GALNT1: variants seen among roughly 807,000 people sequenced by gnomAD.
GALNT1 encodes polypeptide N-acetylgalactosaminyltransferase 1.
GALNT1 carries 17 observed loss-of-function variants against 65.7 expected under a neutral mutation model. The ratio of observed to expected loss-of-function variants is 0.26; its 90% CI spans 0.18 to 0.39. The LOEUF (loss-of-function observed/expected upper bound fraction) is 0.39. Ranked by LOEUF, GALNT1 falls within the 10% of genes least tolerant of loss-of-function variation. GALNT1 has a pLI of 1.00. For synonymous variants in GALNT1, 210 were observed against 219.7 expected, an observed-to-expected ratio of 0.96 and a Z score of 0.39; for missense variants, 460 against 672.8, an observed-to-expected ratio of 0.68 and a Z score of 3.50.
chr18:35,592,285 G>C lies in GALNT1; in HGVS notation c.-104+10423G>C, dbSNP rs1176052334. Among the ~76,000 whole-genome samples, 3 of 152,106 alleles carry C rather than the reference G, an allele frequency of 2.0e-5. No homozygotes were observed. In the East Asian group the frequency reaches 5.8e-4, roughly 29 times the overall value. On this transcript the variant is annotated intron_variant, in intron 1 of 11. Coordinates refer to ENST00000269195, the MANE Select transcript of GALNT1 (RefSeq NM_020474.4). ...AACAGACATAGATCCTGTCTTTGTT[G>C]ATCATACAATTTAATGAGGAAGATA...
At chr18:35,629,311 C>T (rs1050978303) in intron 1 of GALNT1, among the ~76,000 whole-genome samples, 2 of 152,124 alleles carry the variant, frequency 1.3e-5, no homozygotes, top group African/African-American at 4.8e-5. Context: ...TAAGGGCAGC[C>T]AGAGAGAAAG....
chr18:35,635,042 C>T (rs956279074), intron 1 of GALNT1, among the ~76,000 whole-genome samples: 6 of 152,030 alleles, frequency 3.9e-5, no homozygotes, highest in African/African-American at 1.4e-4. Flanking sequence ...TGGAGAGGTC[C>T]CAGTTGCCGC....
chr18:35,628,534 CAGAA>C (rs1425582214), intron 1 of GALNT1, among the ~76,000 whole-genome samples: 9 of 152,212 alleles, frequency 5.9e-5, no homozygotes, highest in Non-Finnish European at 5.9e-5. Flanking sequence ...AACTAACAAA[CAGAA>C]AGGACAACCA....
chr18:35,694,170 A>G, intron 9 of GALNT1, among the ~76,000 whole-genome samples: 1 of 152,120 alleles, frequency 6.6e-6, no homozygotes, highest in East Asian at 1.9e-4. Context: ...GTTGTTAAAA[A>G]CTCTGTTTTG....
chr18:35,643,795 CAAAAAAAAAAA>C (rs77572232), intron 1 of GALNT1, among the ~76,000 whole-genome samples: 1 of 102,674 alleles, frequency 9.7e-6, no homozygotes, highest in Middle Eastern at 6.1e-3. Flanking sequence ...GAGACTGACT[CAAAAAAAAAAA>C]AAGAAAAAAA....
At position 35,700,016 on chromosome 18, in the gene GALNT1, C is replaced by T. The variant is rs1490297064; in HGVS notation, c.1300-2881C>T. Among the ~76,000 whole-genome samples, 18 of 152,278 alleles carry T rather than the reference C, an allele frequency of 1.2e-4. No individual in the cohort carries two copies. The East Asian group carries it at 1.9e-3, about 16-fold the overall frequency. On this transcript the variant is annotated intron_variant, in intron 9 of 11. Coordinates refer to ENST00000269195, the MANE Select transcript of GALNT1 (RefSeq NM_020474.4). ...CCAAAGGCTCTTCAAACTTAACTCCCGGCAAACAAACCTATTAGGTGGTCC... is the reference window on the plus strand; with the variant it reads ...CCAAAGGCTCTTCAAACTTAACTCCTGGCAAACAAACCTATTAGGTGGTCC...
At chr18:35,596,433 A>T (rs1027806037) in intron 1 of GALNT1, 1 of 152,222 alleles carries the variant, frequency 6.6e-6, no homozygotes, top group African/African-American at 2.4e-5. Flanking sequence ...GAACTATAAT[A>T]GAGTTTCATT....
At chr18:35,620,794 T>A (rs509658) in intron 1 of GALNT1, among the ~76,000 whole-genome samples, 1 of 151,192 alleles carries the variant, frequency 6.6e-6, no homozygotes, top group South Asian at 2.1e-4. Context: ...TTTTTTTTTT[T>A]GGTCATTATA....
intron 1 of GALNT1, among the ~76,000 whole-genome samples, chr18:35,645,025 A>C (rs1410987084): frequency 3.3e-5 from 5 of 151,928 alleles, no homozygotes; most frequent in Non-Finnish European, 5.9e-5. Flanking sequence ...TAAATAAATA[A>C]ATAAATCCAT....
intron 2 of GALNT1, among the ~76,000 whole-genome samples, chr18:35,655,243 A>AGTTGTT (rs954674908): frequency 1.3e-5 from 2 of 151,898 alleles, no homozygotes; most frequent in African/African-American, 2.4e-5. Context: ...GATCTGTAGA[A>AGTTGTT]GTTGTTGTTG....
chr18:35,593,901 G>A (rs1192365443), intron 1 of GALNT1, among the ~76,000 whole-genome samples: 1 of 151,868 alleles, frequency 6.6e-6, no homozygotes, highest in African/African-American at 2.4e-5. Context: ...TAGTGACGGG[G>A]GTTTCATCAT....
chr18:35,620,734 C>T (rs1043171178), intron 1 of GALNT1, among the ~76,000 whole-genome samples: 1 of 150,406 alleles, frequency 6.6e-6, no homozygotes, highest in African/African-American at 2.4e-5. Flanking sequence ...GTTTTTCCTG[C>T]TATATAGTAG....
chr18:35,600,491 T>C (rs2046567565), intron 1 of GALNT1, among the ~76,000 whole-genome samples: 2 of 152,214 alleles, frequency 1.3e-5, no homozygotes, highest in African/African-American at 4.8e-5. Context: ...CTACTTTCTT[T>C]CCAATTTGGA....
intron 1 of GALNT1, among the ~76,000 whole-genome samples, chr18:35,627,108 G>T (rs1568018332): frequency 6.6e-6 from 1 of 152,260 alleles, no homozygotes; most frequent in Non-Finnish European, 1.5e-5. Flanking sequence ...ACAGTGCTGT[G>T]TAGGTGTCTT....
intron 1 of GALNT1, among the ~76,000 whole-genome samples, chr18:35,634,816 G>A (rs1160698834): frequency 6.6e-6 from 1 of 152,156 alleles, no homozygotes; most frequent in East Asian, 1.9e-4. Context: ...GTAGGGAACT[G>A]TTCACCATTA....
chr18:35,602,674 C>T (rs572566781), intron 1 of GALNT1, among the ~76,000 whole-genome samples: 69 of 152,218 alleles, frequency 4.5e-4, no homozygotes, highest in African/African-American at 1.6e-3. Context: ...AAATGTATTT[C>T]TCAGTTCCAG....
chr18:35,699,077 C>T (rs1034238273), intron 9 of GALNT1, among the ~76,000 whole-genome samples: 1 of 152,190 alleles, frequency 6.6e-6, no homozygotes, highest in Middle Eastern at 3.2e-3. Context: ...ACTCATTTCT[C>T]CTTCCCAGGT....
At chr18:35,669,737 A>G (rs2047604342) in intron 3 of GALNT1, among the ~76,000 whole-genome samples, 1 of 152,198 alleles carries the variant, frequency 6.6e-6, no homozygotes, top group Non-Finnish European at 1.5e-5. Context: ...TATATTTAAT[A>G]ATAATGTTGT....
At chr18:35,605,932 T>C (rs2046641250) in intron 1 of GALNT1, among the ~76,000 whole-genome samples, 1 of 152,210 alleles carries the variant, frequency 6.6e-6, no homozygotes, top group Admixed American at 6.5e-5. Flanking sequence ...AACTAGTCTT[T>C]GTATTAGCAG....
Sources: gnomAD v4.1 joint callset for allele counts (sites outside exome capture counted in the v4.1 genomes callset) on GRCh38, gnomAD v4.1.1 for gene constraint, MANE v1.5 for transcripts, NCBI Gene and HGNC (gene_info 2026-07-23, HGNC 2026-07-21) for gene names.